TOX: variants seen among roughly 807,000 people sequenced by gnomAD.
TOX encodes the protein thymocyte selection-associated high mobility group box protein TOX.
In TOX, 11 loss-of-function variants were observed where a neutral mutation model predicts 53.7. That is an observed-to-expected ratio of 0.20 (90% confidence interval 0.13 to 0.34). The LOEUF (loss-of-function observed/expected upper bound fraction) is 0.34, where lower values mean the gene tolerates loss of function less well. TOX is among the 10% of genes least tolerant of loss of function. The pLI is 1.00. For synonymous variants in TOX, 225 were observed against 245.3 expected (o/e 0.92, Z 0.77); for missense variants, 570 against 664.6 (o/e 0.86, Z 1.56).
intron 1 of TOX, among the ~76,000 whole-genome samples, chr8:59,065,382 G>C (rs770135353): frequency 1.2e-4 from 18 of 152,098 alleles, no homozygotes; most frequent in Non-Finnish European, 2.4e-4. Flanking sequence ...TGATTTAGAA[G>C]ACATTATTAT....
chr8:59,099,793 A>G (rs1804773598), intron 1 of TOX, among the ~76,000 whole-genome samples: 1 of 152,238 alleles, frequency 6.6e-6, no homozygotes, highest in African/African-American at 2.4e-5. Context: ...TGGGAGTGAA[A>G]TGAAATGATA....
chr8:58,857,499 A>T (rs78854585), intron 3 of TOX, among the ~76,000 whole-genome samples: 13 of 152,136 alleles, frequency 8.5e-5, no homozygotes, highest in Admixed American at 8.5e-4. Context: ...AAAATAATGA[A>T]GGGGTATTAT....
chr8:59,114,373 A>G (rs1805066928), intron 1 of TOX, among the ~76,000 whole-genome samples: 2 of 152,220 alleles, frequency 1.3e-5, no homozygotes, highest in South Asian at 4.1e-4. Flanking sequence ...TTGAATTTGC[A>G]ATACTGAAAT....
intron 1 of TOX, among the ~76,000 whole-genome samples, chr8:59,063,067 A>AT (rs958431833): frequency 3.9e-5 from 6 of 152,174 alleles, no homozygotes; most frequent in East Asian, 3.9e-4. Context: ...CAGAAAAGGC[A>AT]TTTTTTTGGC....
intron 1 of TOX, among the ~76,000 whole-genome samples, chr8:58,974,873 A>G (rs957847739): frequency 2.6e-5 from 4 of 152,060 alleles, no homozygotes; most frequent in African/African-American, 4.8e-5. Context: ...GGCACTATTA[A>G]TTTTATGAAT....
At chr8:59,053,632 A>G (rs886425278) in intron 1 of TOX, among the ~76,000 whole-genome samples, 8 of 152,198 alleles carry the variant, frequency 5.3e-5, no homozygotes, top group Admixed American at 5.2e-4. Context: ...AGTAAGAGTT[A>G]TTGCTCAAGA....
At chr8:58,907,667 T>C (rs1223084900) in intron 3 of TOX, among the ~76,000 whole-genome samples, 1 of 152,164 alleles carries the variant, frequency 6.6e-6, no homozygotes, top group African/African-American at 2.4e-5. Flanking sequence ...ACATACAATT[T>C]TTTAGGATCA....
At chr8:58,925,590 G>A (rs1014422315) in intron 3 of TOX, among the ~76,000 whole-genome samples, 10 of 152,092 alleles carry the variant, frequency 6.6e-5, no homozygotes, top group East Asian at 1.9e-4. Flanking sequence ...CATATGAGGC[G>A]GCAGCTAAAG....
chr8:58,813,312 GA>G (rs1311557739), intron 7 of TOX, among the ~76,000 whole-genome samples: 1 of 152,128 alleles, frequency 6.6e-6, no homozygotes, highest in Non-Finnish European at 1.5e-5. Flanking sequence ...TGATAAATCA[GA>G]AAAAAAGATC....
At chr8:58,850,465 A>G (rs1455437189) in intron 4 of TOX, among the ~76,000 whole-genome samples, 2 of 152,184 alleles carry the variant, frequency 1.3e-5, no homozygotes, top group African/African-American at 2.4e-5. Flanking sequence ...TTGGCAGGCT[A>G]TGGGCTGTAA....
chr8:58,833,909 C>T (rs575360694), intron 5 of TOX, among the ~76,000 whole-genome samples: 2 of 152,262 alleles, frequency 1.3e-5, no homozygotes, highest in Admixed American at 6.5e-5. Flanking sequence ...GGATTTTTAT[C>T]GCTTCTTTCA....
At chr8:58,909,995 A>G (rs564449929) in intron 3 of TOX, among the ~76,000 whole-genome samples, 1 of 152,220 alleles carries the variant, frequency 6.6e-6, no homozygotes, top group African/African-American at 2.4e-5. Context: ...CAAAATGCCC[A>G]TCAGGGAGCA....
chr8:58,865,648 G>T (rs751884568), intron 3 of TOX, among the ~76,000 whole-genome samples: 1 of 151,458 alleles, frequency 6.6e-6, no homozygotes, highest in Non-Finnish European at 1.5e-5. Flanking sequence ...ATATATTTTC[G>T]GTCTTTATGT....
intron 1 of TOX, among the ~76,000 whole-genome samples, chr8:59,083,806 A>C (rs916506825): frequency 2.0e-5 from 3 of 152,212 alleles, no homozygotes; most frequent in Admixed American, 6.5e-5. Flanking sequence ...AAAATGCTGT[A>C]GAAATTTCCT....
chr8:59,088,118 C>A (rs1412603279), intron 1 of TOX, among the ~76,000 whole-genome samples: 2 of 151,928 alleles, frequency 1.3e-5, no homozygotes, highest in Non-Finnish European at 2.9e-5. Context: ...TATTTTAATG[C>A]CATTTATTTT....
intron 1 of TOX, among the ~76,000 whole-genome samples, chr8:58,985,104 T>C (rs927978396): frequency 1.1e-4 from 17 of 149,380 alleles, no homozygotes; most frequent in South Asian, 2.1e-4. Flanking sequence ...CTATATAATA[T>C]ACATATATAT....
chr8:59,002,448 G>A (rs569437076), intron 1 of TOX, among the ~76,000 whole-genome samples: 19 of 151,022 alleles, frequency 1.3e-4, no homozygotes, highest in African/African-American at 2.7e-4. Flanking sequence ...AAAAATTAGC[G>A]GAGCGTGGTG....
intron 1 of TOX, among the ~76,000 whole-genome samples, chr8:58,977,142 T>C (rs982543114): frequency 6.6e-6 from 1 of 152,266 alleles, no homozygotes; most frequent in Non-Finnish European, 1.5e-5. Flanking sequence ...TGTTGTTTAG[T>C]GTAGCCACCT....
rs887354014 is a variant in TOX at position 59,072,341 on chromosome 8, C to T, written c.102+46545G>A. On this transcript the variant is annotated intron_variant, in intron 1 of 8. Transcript: ENST00000361421. Reference sequence around the variant, plus strand: ...CGCAATAAAGTCCCCAAATATATTGCCTGGTAGGTAGAAACAGTGCTGAAT... The same window carrying T: ...CGCAATAAAGTCCCCAAATATATTGTCTGGTAGGTAGAAACAGTGCTGAAT... Among the ~76,000 whole-genome samples, 3 of 152,134 alleles carry T rather than the reference C, an allele frequency of 2.0e-5. No individual in the cohort carries two copies. In the East Asian group the frequency reaches 5.8e-4, roughly 29 times the overall value.
Sources: allele counts gnomAD v4.1 joint callset (sites outside exome capture counted in the v4.1 genomes callset), GRCh38; gene constraint gnomAD v4.1.1; transcripts MANE v1.5; gene names NCBI Gene and HGNC (gene_info 2026-07-23, HGNC 2026-07-21).